MLKL: variants seen among roughly 807,000 people sequenced by gnomAD.
MLKL encodes the protein mixed lineage kinase domain like pseudokinase.
Under a neutral mutation model 56.5 loss-of-function variants are expected in MLKL, and 55 were observed. The observed-to-expected ratio is 0.97, with a 90% CI of 0.78 to 1.22. The LOEUF is 1.22. MLKL is among the 50% of genes most tolerant of loss of function. MLKL has a pLI of 0.00. For synonymous variants in MLKL, 251 were observed against 208.3 expected (o/e 1.20, Z -1.76); for missense variants, 694 against 573.9 (o/e 1.21, Z -2.14).
At chr16:74,689,833 C>T (rs1278471152) in intron 4 of MLKL, among the ~76,000 whole-genome samples, 1 of 152,132 alleles carries the variant, frequency 6.6e-6, no homozygotes, top group African/African-American at 2.4e-5. Context: ...AACTGACTTA[C>T]TATGTGGCTA....
chr16:74,680,069 G>A (rs1230889228), intron 6 of MLKL, among the ~76,000 whole-genome samples: 1 of 152,170 alleles, frequency 6.6e-6, no homozygotes, highest in Non-Finnish European at 1.5e-5. Flanking sequence ...GACTGTGTTG[G>A]GGAGGGCAGG....
chr16:74,686,974 GTTTT>G (rs1038091051), intron 4 of MLKL, among the ~76,000 whole-genome samples: 1 of 152,094 alleles, frequency 6.6e-6, no homozygotes, highest in Admixed American at 6.6e-5. Context: ...ATTTTGTTTT[GTTTT>G]GTTTGTTTGT....
intron 4 of MLKL, 22 bp downstream of exon 4, chr16:74,691,255 A>C (rs2144536931): frequency 1.3e-6 from 2 of 1,590,760 alleles, no homozygotes; most frequent in Non-Finnish European, 8.6e-7. Flanking sequence ...TACACACGAG[A>C]GAACCACACA....
chr16:74,693,485 G>GAAAA (rs1960814250), intron 2 of MLKL, among the ~76,000 whole-genome samples: 1 of 140,684 alleles, frequency 7.1e-6, no homozygotes, highest in Non-Finnish European at 1.5e-5. Context: ...AAAAAAGAAA[G>GAAAA]AAAGAAAGAA....
chr16:74,684,030 C>A (rs1381197879), intron 5 of MLKL, among the ~76,000 whole-genome samples: 1 of 152,032 alleles, frequency 6.6e-6, no homozygotes, highest in Non-Finnish European at 1.5e-5. Flanking sequence ...TCACTGCAAC[C>A]TCCGCCTCCC....
chr16:74,693,845 C>G (rs1329924245), intron 2 of MLKL, among the ~76,000 whole-genome samples: 1 of 152,034 alleles, frequency 6.6e-6, no homozygotes, highest in South Asian at 2.1e-4. Flanking sequence ...CCTCATGATC[C>G]GCCCGCCTCG....
intron 6 of MLKL, among the ~76,000 whole-genome samples, chr16:74,679,520 TC>T (rs1267384244): frequency 6.6e-6 from 1 of 152,122 alleles, no homozygotes; most frequent in Non-Finnish European, 1.5e-5. Context: ...AAGAAGGTGC[TC>T]CCTTGACCAG....
At chr16:74,696,251 A>G (rs2144564149) in intron 1 of MLKL, among the ~76,000 whole-genome samples, 1 of 152,254 alleles carries the variant, frequency 6.6e-6, no homozygotes, top group African/African-American at 2.4e-5. Flanking sequence ...ATAAACTTGT[A>G]TTGCATGTAA....
intron 1 of MLKL, among the ~76,000 whole-genome samples, chr16:74,698,647 G>A (rs1352097839): frequency 2.0e-5 from 3 of 152,270 alleles, no homozygotes; most frequent in Middle Eastern, 3.4e-3. Context: ...GTTGTTCAAG[G>A]AATCTTGCAA....
intron 2 of MLKL, among the ~76,000 whole-genome samples, chr16:74,692,891 T>C (rs1410595747): frequency 6.6e-6 from 1 of 152,246 alleles, no homozygotes; most frequent in Non-Finnish European, 1.5e-5. Flanking sequence ...CTGATTTATA[T>C]ACTCAGAAAC....
intron 6 of MLKL, 74 bp from the exon 7 acceptor site, chr16:74,679,054 G>C: frequency 8.6e-7 from 1 of 1,169,066 alleles, no homozygotes. Context: ...ATCATAACTG[G>C]GCTGATGAGG....
At chr16:74,688,854 A>G (rs575899186) in intron 4 of MLKL, among the ~76,000 whole-genome samples, 6 of 152,380 alleles carry the variant, frequency 3.9e-5, no homozygotes, top group African/African-American at 1.2e-4. Flanking sequence ...ACAGACTATC[A>G]TTCAGCCATA....
At chr16:74,679,037 A>T (rs2144470142) in intron 6 of MLKL, 57 bp from the exon 7 acceptor site, 1 of 1,389,406 alleles carries the variant, frequency 7.2e-7, no homozygotes, top group East Asian at 2.3e-5. Context: ...TCTTTGGGGG[A>T]CTGACAATCA....
chr16:74,692,326 G>A lies in MLKL; in HGVS notation c.535+16C>T. 12 of 1,609,652 alleles carry A rather than the reference G, an allele frequency of 7.5e-6. No homozygotes were observed. The highest frequency in any genetic ancestry group is 1.0e-5 in the Non-Finnish European group (12 of 1,176,952). On this transcript the variant is annotated intron_variant, in intron 3 of 10. Transcript: ENST00000308807. Reference sequence around the variant, plus strand: ...TTTGGGGGCCATCAGAAACAGCAGGGCACATGATAACTTACACTGCCTCAA... The same window carrying A: ...TTTGGGGGCCATCAGAAACAGCAGGACACATGATAACTTACACTGCCTCAA...
chr16:74,680,257 A>G (rs1959861469), intron 6 of MLKL, among the ~76,000 whole-genome samples: 1 of 152,198 alleles, frequency 6.6e-6, no homozygotes, highest in South Asian at 2.1e-4. Context: ...TGGAGGGGAT[A>G]TTAACAGTGT....
At chr16:74,689,021 T>C (rs1960503320) in intron 4 of MLKL, among the ~76,000 whole-genome samples, 1 of 152,118 alleles carries the variant, frequency 6.6e-6, no homozygotes, top group Admixed American at 6.5e-5. Flanking sequence ...AAGGTAGGAC[T>C]GTTGCCTGGG....
At chr16:74,688,274 C>A (rs1489875730) in intron 4 of MLKL, among the ~76,000 whole-genome samples, 1 of 152,160 alleles carries the variant, frequency 6.6e-6, no homozygotes, top group African/African-American at 2.4e-5. Flanking sequence ...CAGGCCAGCA[C>A]AGTCTTTTAA....
chr16:74,682,482 G>A (rs898970838), intron 6 of MLKL, among the ~76,000 whole-genome samples, 169 bp downstream of exon 6: 9 of 152,090 alleles, frequency 5.9e-5, no homozygotes, highest in African/African-American at 2.2e-4. Context: ...GTGTTCCCTG[G>A]GTTAAGCCTC....
At chr16:74,699,493 G>A (rs923078355) in intron 1 of MLKL, among the ~76,000 whole-genome samples, 2 of 152,154 alleles carry the variant, frequency 1.3e-5, no homozygotes, top group African/African-American at 4.8e-5. Flanking sequence ...ATCTACAAGG[G>A]AAGAAAGGGA....
Sources: allele counts gnomAD v4.1 joint callset (sites outside exome capture counted in the v4.1 genomes callset), GRCh38; gene constraint gnomAD v4.1.1; transcripts MANE v1.5; gene names NCBI Gene and HGNC (gene_info 2026-07-23, HGNC 2026-07-21).